GON4L: variants seen among roughly 807,000 people sequenced by gnomAD.
The protein encoded by GON4L is gon-4 like.
GON4L carries 87 observed loss-of-function variants against 211.8 expected under a neutral mutation model. That is an observed-to-expected ratio of 0.41 (90% CI 0.35 to 0.49). The LOEUF is 0.49. GON4L is among the 20% of genes least tolerant of loss of function. The pLI, the probability that GON4L is intolerant of heterozygous loss-of-function variation, is 0.15. For synonymous variants in GON4L, 875 were observed against 962.6 expected, an observed-to-expected ratio of 0.91 and a Z score of 1.68; for missense variants, 2,155 against 2,659.5, an observed-to-expected ratio of 0.81 and a Z score of 4.17.
chr1:155,783,970 T>G lies in GON4L; in HGVS notation c.1892+16A>C, dbSNP rs186737822. On this transcript the variant is annotated intron_variant, in intron 14 of 31. Coordinates refer to ENST00000368331, the MANE Select transcript of GON4L (RefSeq NM_001282860.2). ...TTTTCCTCTATTCCAAATCTCAAGG[T>G]CTTCAACTAGCCTACCGTAGAGCTT... 9.3e-5 allele frequency: 150 copies of G among 1,612,982 alleles called. No homozygotes were observed. The African/African-American group carries it at 1.5e-3, about 17-fold the overall frequency.
chr1:155,793,019 G>C (rs1322214825), intron 12 of GON4L, among the ~76,000 whole-genome samples: 5 of 152,086 alleles, frequency 3.3e-5, no homozygotes, highest in African/African-American at 1.2e-4. Flanking sequence ...TTCTGCCTCT[G>C]CCTCAGCCTC....
chr1:155,845,634 A>G (rs1671165556), intron 2 of GON4L: 11 of 330,406 alleles, frequency 3.3e-5, no homozygotes, highest in South Asian at 2.7e-4. Context: ...AATGCCAGGG[A>G]AAGAATAGTT....
At position 155,770,023 on chromosome 1, in the gene GON4L, TAAAAAAAAAAAAA is replaced by T. The variant is rs59380170; in HGVS notation, c.2646+1031_2646+1043del. Among the ~76,000 whole-genome samples the T allele has an allele frequency of 4.0e-3, 174 of 43,716 alleles. 1 individual carries two copies. The highest frequency in any genetic ancestry group is 0.014 in the African/African-American group (168 of 11,990). 28.7% of individuals were successfully genotyped at this position (43,716 alleles called of 152,430 possible). On this transcript the variant is annotated intron_variant, in intron 19 of 31. Transcript: ENST00000368331. ...GGCAATATAGGGACACTCCATTTCT[TAAAAAAAAAAAAA>T]AAAAAAAAAAAAAAAAAAAAAATTA...
intron 2 of GON4L, among the ~76,000 whole-genome samples, chr1:155,830,310 T>C (rs1669637508): frequency 6.7e-6 from 1 of 149,922 alleles, no homozygotes. Flanking sequence ...GGAGTTCCAT[T>C]CTTGTTGCCT....
chr1:155,816,005 A>G, intron 7 of GON4L, 105 bp from the exon 8 acceptor site: 1 of 766,454 alleles, frequency 1.3e-6, no homozygotes, highest in South Asian at 1.5e-5. Context: ...AAATCCTAAG[A>G]GCATAATGTA....
chr1:155,779,506 G>A (rs957705608), intron 14 of GON4L, among the ~76,000 whole-genome samples: 4 of 149,758 alleles, frequency 2.7e-5, no homozygotes, highest in South Asian at 2.1e-4. Context: ...TAGTAGAGAC[G>A]GGGTTTCATC....
chr1:155,780,800 G>A (rs1664344429), intron 14 of GON4L, among the ~76,000 whole-genome samples: 1 of 152,094 alleles, frequency 6.6e-6, no homozygotes, highest in Admixed American at 6.6e-5. Flanking sequence ...ATCAGGATAA[G>A]ACCTGCTGAT....
At chr1:155,784,277 C>A in intron 13 of GON4L, 188 bp from the exon 14 acceptor site, 2 of 641,780 alleles carry the variant, frequency 3.1e-6, no homozygotes, top group Non-Finnish European at 5.2e-6. Context: ...GCTATTATGC[C>A]AAGAAAGAAG....
intron 6 of GON4L, among the ~76,000 whole-genome samples, chr1:155,816,755 A>G (rs920236547): frequency 1.0e-5 from 1 of 100,034 alleles, no homozygotes; most frequent in Admixed American, 1.4e-4. Flanking sequence ...TGCTCTGCCT[A>G]TGGGCTTTTT....
chr1:155,795,991 A>T (rs1043232007), intron 11 of GON4L, among the ~76,000 whole-genome samples: 3 of 152,126 alleles, frequency 2.0e-5, no homozygotes, highest in African/African-American at 7.2e-5. Flanking sequence ...AATAATACAT[A>T]TATTCTAATA....
downstream of GON4L, chr1:155,747,762 G>C: frequency 6.2e-7 from 1 of 1,613,878 alleles, no homozygotes. Flanking sequence ...CCCCGCCCAG[G>C]GCTTCCAGAT....
At chr1:155,764,529 T>A in intron 21 of GON4L, 1 of 313,850 alleles carries the variant, frequency 3.2e-6, no homozygotes, top group Non-Finnish European at 6.1e-6. Context: ...AACCTCTGTC[T>A]CTCGGGCTCA....
downstream of GON4L, chr1:155,748,863 TTC>T: frequency 7.0e-7 from 1 of 1,419,596 alleles, no homozygotes. Context: ...TTCTCGGGCA[TTC>T]TAATGATGTT....
Position 155,750,620 on chromosome 1 carries a change from A to G in GON4L, c.6690T>C (p.His2230=). 5 of 1,587,114 alleles carry G rather than the reference A, an allele frequency of 3.2e-6. No homozygotes were observed. The highest frequency in any genetic ancestry group is 1.1e-5 in the South Asian group (1 of 89,240). ...GCTCCTCTTCAGACAGAAGGTCCCC[A>G]TGGTCAGACAGCTGGTCTGCATTGC... ...STSNADQLSD[H]GDLLSEEELD... Residue 2230 remains histidine (H), a synonymous_variant, in exon 32 of 32, where the codon CAT becomes CAC. Transcript: ENST00000368331.
chr1:155,839,089 T>C (rs1226073008), intron 2 of GON4L, among the ~76,000 whole-genome samples: 2 of 152,128 alleles, frequency 1.3e-5, no homozygotes, highest in Admixed American at 6.6e-5. Flanking sequence ...AAAAGAATAA[T>C]TGTGTCTAAT....
At chr1:155,816,190 C>T (rs1363618395) in intron 7 of GON4L, 22 bp downstream of exon 7, 2 of 1,173,982 alleles carry the variant, frequency 1.7e-6, no homozygotes, top group Non-Finnish European at 2.6e-6. Flanking sequence ...AAAAGAATAA[C>T]AATTATTTCT....
At chr1:155,848,614 T>C (rs1020002310) in intron 2 of GON4L, among the ~76,000 whole-genome samples, 16 of 152,192 alleles carry the variant, frequency 1.1e-4, no homozygotes, top group South Asian at 2.1e-4. Context: ...TGTGAATCCT[T>C]CAAGCTCCAA....
At chr1:155,822,682 C>T (rs987447590) in intron 3 of GON4L, among the ~76,000 whole-genome samples, 1 of 152,142 alleles carries the variant, frequency 6.6e-6, no homozygotes, top group Non-Finnish European at 1.5e-5. Flanking sequence ...GAAATCAGTG[C>T]TTGCCAATGT....
At chr1:155,818,126 T>C (rs1475941001) in intron 6 of GON4L, among the ~76,000 whole-genome samples, 1 of 151,910 alleles carries the variant, frequency 6.6e-6, no homozygotes, top group Non-Finnish European at 1.5e-5. Flanking sequence ...TTAATTATAT[T>C]CTTTTTTTTT....
Sources: gnomAD v4.1 joint callset for allele counts (sites outside exome capture counted in the v4.1 genomes callset) on GRCh38, gnomAD v4.1.1 for gene constraint, MANE v1.5 for transcripts, NCBI Gene and HGNC (gene_info 2026-07-23, HGNC 2026-07-21) for gene names.